CP: variants seen among roughly 807,000 people sequenced by gnomAD.
The protein encoded by CP is caeruloplasmin.
CP carries 64 observed loss-of-function variants against 122.4 expected under a neutral mutation model. That is an observed-to-expected ratio of 0.52 (90% CI 0.43 to 0.64). The LOEUF is 0.64. Among genes scored for constraint, CP ranks in the 30% least tolerant of loss-of-function variants. The pLI, the probability that CP is intolerant of heterozygous loss-of-function variation, is 0.00. For missense variants in CP, 1,167 were observed against 1,284.4 expected (o/e 0.91, Z 1.40); for synonymous variants, 440 against 436.4 (o/e 1.01, Z -0.10).
intron 18 of CP, among the ~76,000 whole-genome samples, chr3:149,175,707 G>A (rs1453737637): frequency 7.3e-6 from 1 of 136,142 alleles, no homozygotes; most frequent in Admixed American, 7.3e-5. Context: ...ACATGGGGAG[G>A]GTTATTGCAG....
intron 9 of CP, among the ~76,000 whole-genome samples, chr3:149,190,086 C>T (rs1726445497): frequency 6.6e-6 from 1 of 151,610 alleles, no homozygotes; most frequent in South Asian, 2.1e-4. Context: ...GAAAAATTAA[C>T]AAAGACAAAA....
At position 149,179,635 on chromosome 3, in the gene CP, A is replaced by AT; in HGVS notation, c.2581dup (p.Ile861AsnfsTer27). On this transcript the variant is annotated frameshift_variant, in exon 15 of 19. Coordinates refer to ENST00000264613, the MANE Select transcript of CP (RefSeq NM_000096.4). LOFTEE classifies it high-confidence loss of function. The stretch of plus-strand genomic sequence containing the variant: ...TGTTCCAGCTCCAGATCTTTCTGGG[A>AT]TTTTCCATACGTAAGTGAGAGTTTC... The AT allele has an allele frequency of 6.2e-7, 1 of 1,609,176 alleles. No individual in the cohort carries two copies.
At chr3:149,214,768 G>A (rs1367433718) in intron 1 of CP, among the ~76,000 whole-genome samples, 3 of 152,330 alleles carry the variant, frequency 2.0e-5, no homozygotes, top group East Asian at 3.9e-4. Context: ...CCATAGCAAG[G>A]AATGCACAGA....
Position 149,176,263 on chromosome 3 carries a change from A to G in CP, c.3168T>C (p.Val1056=). The G allele has an allele frequency of 6.2e-7, 1 of 1,612,222 alleles. No homozygotes were observed. Among genetic ancestry groups the G allele is most frequent in the African/African-American group, 1.3e-5 (1 of 74,980 alleles). Residue 1056 remains valine, a synonymous_variant, in exon 18 of 19, where the codon GTT becomes GTC. Transcript: ENST00000264613. ...IHAGMETTYT[V]LQNEDTKSG ...CTGGATATTCACCTTCATTTTGTAG[A>G]ACGGTGTAAGTGGTTTCCATTCCAG...
intron 9 of CP, among the ~76,000 whole-genome samples, chr3:149,190,607 G>A (rs555217661): frequency 6.4e-5 from 9 of 141,328 alleles, no homozygotes; most frequent in African/African-American, 2.4e-4. Context: ...GCAGTGAGCT[G>A]AGATCACACC....
At position 149,212,446 on chromosome 3, in the gene CP, C is replaced by G. The variant is rs1303032660; in HGVS notation, c.394+5G>C. The stretch of plus-strand genomic sequence containing the variant: ...GGAAATTCCAGCTACATGAGCTGAA[C>G]TTACCCTCATGTTCCTTATAGTAAG... On this transcript the variant is annotated splice_donor_5th_base_variant and intron_variant, in intron 2 of 18. Transcript: ENST00000264613. The G allele has an allele frequency of 6.2e-7, 1 of 1,613,854 alleles. No homozygotes were observed. Among genetic ancestry groups the G allele is most frequent in the Non-Finnish European group, 8.5e-7 (1 of 1,179,890 alleles).
downstream of CP, chr3:149,170,513 C>T (rs1724872522): frequency 6.6e-6 from 1 of 152,172 alleles, no homozygotes; most frequent in South Asian, 2.1e-4. Context: ...GACAGTACCA[C>T]TACATTATAA....
intron 9 of CP, among the ~76,000 whole-genome samples, chr3:149,197,880 A>T (rs1727004421): frequency 6.6e-6 from 1 of 152,192 alleles, no homozygotes; most frequent in Admixed American, 6.5e-5. Flanking sequence ...TGTGCAGCCC[A>T]GTTCCTGACA....
At position 149,180,430 on chromosome 3, in the gene CP, A is replaced by G. The variant is rs557729248; in HGVS notation, c.2555-768T>C. ...TCCAGTCTGATCTGCGTTTCCATTCACCTCAGGGCTTCCTGTGCAACTGCT... is the reference window on the plus strand; with the variant it reads ...TCCAGTCTGATCTGCGTTTCCATTCGCCTCAGGGCTTCCTGTGCAACTGCT... On this transcript the variant is annotated intron_variant, in intron 14 of 18. Transcript: ENST00000264613. Among the ~76,000 whole-genome samples the G allele has an allele frequency of 5.3e-5, 8 of 151,810 alleles. No homozygotes were observed. The South Asian group carries it at 1.7e-3, about 32-fold the overall frequency.
chr3:149,192,645 T>TAACAA (rs1230562501), intron 9 of CP, among the ~76,000 whole-genome samples: 2 of 151,568 alleles, frequency 1.3e-5, no homozygotes, highest in African/African-American at 4.9e-5. Flanking sequence ...GCATTATACA[T>TAACAA]AACAAAGATA....
intron 1 of CP, among the ~76,000 whole-genome samples, chr3:149,220,767 G>C (rs1250895255): frequency 6.6e-6 from 1 of 152,068 alleles, no homozygotes; most frequent in Non-Finnish European, 1.5e-5. Context: ...CATTGGGCTT[G>C]TTTGTGTTTT....
chr3:149,188,216 C>G lies in CP; in HGVS notation c.1714-14G>C, dbSNP rs1481079462. The G allele has an allele frequency of 6.2e-7, 1 of 1,606,038 alleles. No individual in the cohort carries two copies. The highest frequency in any genetic ancestry group is 1.1e-5 in the South Asian group (1 of 90,904). The stretch of plus-strand genomic sequence containing the variant: ...GTCTACATCTTTCTGTAAATCAAAA[C>G]AAAATGAGATGGAGACAGAATGAAT... On this transcript the variant is annotated splice_polypyrimidine_tract_variant and intron_variant, in intron 9 of 18. Transcript: ENST00000264613.
rs571448440 is a variant in CP, at chr3:149,178,466, C to T, written c.2827G>A (p.Glu943Lys). Residue 943 changes from glutamate (E) to lysine (K), a missense_variant, in exon 16 of 19, where the codon GAG (glutamate) becomes AAG (lysine). Glu to Lys is a moderately conservative substitution (Grantham distance 56). Coordinates refer to ENST00000264613, the MANE Select transcript of CP (RefSeq NM_000096.4). ...DNIKTYSDHP[E>K]KVNKDDEEFI... is the part of the protein sequence containing the mutation. ...TCCTCATCATCTTTGTTTACTTTCTCGGGGTGATCAGAGTATGTTTTGATG... is the reference window on the plus strand; with the variant it reads ...TCCTCATCATCTTTGTTTACTTTCTTGGGGTGATCAGAGTATGTTTTGATG... The T allele has an allele frequency of 2.4e-5, 38 of 1,613,092 alleles. 1 individual carries two copies. In the East Asian group the frequency reaches 3.1e-4, roughly 13 times the overall value.
chr3:149,217,950 G>A, intron 1 of CP: 1 of 419,072 alleles, frequency 2.4e-6, no homozygotes, highest in Non-Finnish European at 4.8e-6. Flanking sequence ...CCTGCTTATA[G>A]TGACATCTTC....
intron 6 of CP, among the ~76,000 whole-genome samples, 167 bp downstream of exon 6, chr3:149,206,001 A>C (rs1727686107): frequency 6.6e-6 from 1 of 152,220 alleles, no homozygotes; most frequent in Non-Finnish European, 1.5e-5. Flanking sequence ...CAAAACTCAT[A>C]GTTCTCAAGC....
chr3:149,201,020 C>T (rs1336451939), intron 7 of CP, among the ~76,000 whole-genome samples: 1 of 152,200 alleles, frequency 6.6e-6, no homozygotes, highest in African/African-American at 2.4e-5. Context: ...GCCTGCGTGC[C>T]TTGGCGAGAA....
chr3:149,181,018 GA>G (rs1434186652), intron 14 of CP, among the ~76,000 whole-genome samples: 1 of 152,014 alleles, frequency 6.6e-6, no homozygotes, highest in African/African-American at 2.4e-5. Flanking sequence ...TGATGATGAT[GA>G]TGATGATGAT....
intron 2 of CP, among the ~76,000 whole-genome samples, chr3:149,210,989 C>T (rs180983684): frequency 1.3e-5 from 2 of 152,172 alleles, no homozygotes; most frequent in Admixed American, 1.3e-4. Context: ...GATAGGAACC[C>T]TTTTTTTCTT....
chr3:149,212,319 T>A lies in CP; in HGVS notation c.394+132A>T, dbSNP rs199609951. 1.6e-4 allele frequency: 146 copies of A among 886,760 alleles called. No individual in the cohort carries two copies. The South Asian group carries it at 2.0e-3, about 12-fold the overall frequency. 54.9% of individuals were successfully genotyped at this position (886,760 alleles called of 1,614,324 possible). Reference sequence around the variant, plus strand: ...GAAGTCAAAAAAAATTAAAAAAAAATAAAAAAAAAATAGTTAAGAGCTGAA... The same window carrying A: ...GAAGTCAAAAAAAATTAAAAAAAAAAAAAAAAAAAATAGTTAAGAGCTGAA... On this transcript the variant is annotated intron_variant, in intron 2 of 18. Coordinates refer to ENST00000264613, the MANE Select transcript of CP (RefSeq NM_000096.4).
Sources: gnomAD v4.1 joint callset for allele counts (sites outside exome capture counted in the v4.1 genomes callset) on GRCh38, gnomAD v4.1.1 for gene constraint, MANE v1.5 for transcripts, NCBI Gene and HGNC (gene_info 2026-07-23, HGNC 2026-07-21) for gene names.